Variants in NDST3 observed in about 807,000 individuals in gnomAD.
The protein encoded by NDST3 is bifunctional heparan sulfate N-deacetylase/N-sulfotransferase 3.
NDST3 carries 58 observed loss-of-function variants against 96.1 expected under a neutral mutation model. That is an observed-to-expected ratio of 0.60 (90% CI 0.49 to 0.75). NDST3 has a LOEUF of 0.75. Ranked by LOEUF, NDST3 falls within the 30% of genes least tolerant of loss-of-function variation. NDST3 has a pLI of 0.00. For missense variants in NDST3, 788 were observed against 1,034.2 expected (o/e 0.76, Z 3.27); for synonymous variants, 333 against 359.7 (o/e 0.93, Z 0.84).
At position 118,049,732 on chromosome 4, in the gene NDST3, T is replaced by TA. The variant is rs747062730; in HGVS notation, c.-155-4012dup. Among the ~76,000 whole-genome samples, 1,238 of 133,184 alleles carry TA rather than the reference T, an allele frequency of 9.3e-3. 10 individuals carry two copies. The highest frequency in any genetic ancestry group is 0.026 in the African/African-American group (966 of 37,218). 87.4% of individuals were successfully genotyped at this position (133,184 alleles called of 152,430 possible). A position where few individuals can be genotyped will look rare whatever the true frequency, so the allele number is the denominator to read the frequency against. On this transcript the variant is annotated intron_variant, in intron 1 of 13. Transcript: ENST00000296499. Reference sequence around the variant, plus strand: ...TCTGAAACTGAATCAGTAATAATAATAAAAAAAAAAAACCCTACCCACCAA... The same window carrying TA: ...TCTGAAACTGAATCAGTAATAATAATAAAAAAAAAAAAACCCTACCCACCAA...
At chr4:118,144,063 G>T (rs185136542) in intron 6 of NDST3, among the ~76,000 whole-genome samples, 36 of 151,996 alleles carry the variant, frequency 2.4e-4, no homozygotes, top group African/African-American at 6.8e-4. Flanking sequence ...ACTATTTAAA[G>T]TTAACGTAGA....
intron 8 of NDST3, among the ~76,000 whole-genome samples, chr4:118,227,783 T>C (rs1002228670): frequency 7.2e-5 from 11 of 152,146 alleles, no homozygotes; most frequent in Non-Finnish European, 1.3e-4. Context: ...GGCTAATTTT[T>C]TTGTATTTTT....
intron 2 of NDST3, among the ~76,000 whole-genome samples, chr4:118,067,248 A>G (rs2125794357): frequency 6.6e-6 from 1 of 152,174 alleles, no homozygotes; most frequent in South Asian, 2.1e-4. Flanking sequence ...CATTATAATG[A>G]AAACCCATTT....
intron 4 of NDST3, among the ~76,000 whole-genome samples, chr4:118,119,040 T>C (rs979985668): frequency 1.3e-5 from 2 of 152,166 alleles, no homozygotes; most frequent in African/African-American, 4.8e-5. Context: ...TTAATGCTTT[T>C]ATAGACAATA....
chr4:118,097,443 GA>G (rs1323867288), intron 2 of NDST3, among the ~76,000 whole-genome samples: 3 of 151,840 alleles, frequency 2.0e-5, no homozygotes, highest in African/African-American at 7.3e-5. Context: ...AAATAAATTA[GA>G]AACTACCTTG....
chr4:118,238,150 G>GA (rs1560738462), intron 10 of NDST3, among the ~76,000 whole-genome samples: 2 of 55,632 alleles, frequency 3.6e-5, no homozygotes, highest in Non-Finnish European at 8.7e-5. Flanking sequence ...AGAGAGAAAA[G>GA]AAAGAAAAGA....
intron 2 of NDST3, among the ~76,000 whole-genome samples, chr4:118,081,972 T>G (rs1351507560): frequency 1.3e-5 from 2 of 152,190 alleles, no homozygotes; most frequent in Admixed American, 1.3e-4. Flanking sequence ...TAAATCATGT[T>G]CAGCACAATG....
chr4:118,097,313 T>A (rs563171426), intron 2 of NDST3, among the ~76,000 whole-genome samples: 2 of 152,108 alleles, frequency 1.3e-5, no homozygotes, highest in African/African-American at 4.8e-5. Context: ...CAGTATCTGT[T>A]AATTATGAGG....
intron 6 of NDST3, among the ~76,000 whole-genome samples, chr4:118,211,665 T>G (rs1210412312): frequency 6.6e-6 from 1 of 152,204 alleles, no homozygotes; most frequent in Admixed American, 6.5e-5. Context: ...GCACTTTCCT[T>G]TCCTTCACTT....
intron 6 of NDST3, among the ~76,000 whole-genome samples, chr4:118,171,262 C>A (rs1735929730): frequency 6.6e-6 from 1 of 152,128 alleles, no homozygotes; most frequent in Non-Finnish European, 1.5e-5. Flanking sequence ...CCCAAAAAGG[C>A]CTACAAATTT....
At chr4:118,040,885 A>T (rs905479822) in intron 1 of NDST3, among the ~76,000 whole-genome samples, 16 of 142,546 alleles carry the variant, frequency 1.1e-4, no homozygotes, top group African/African-American at 3.3e-4. Flanking sequence ...ATATATATTT[A>T]TATATATATA....
intron 4 of NDST3, among the ~76,000 whole-genome samples, chr4:118,131,438 T>C (rs899618662): frequency 3.3e-5 from 5 of 152,072 alleles, no homozygotes; most frequent in African/African-American, 1.2e-4. Context: ...TTCTGCTTGA[T>C]TCTTTCTCAT....
chr4:118,208,561 A>G (rs1738591242), intron 6 of NDST3, among the ~76,000 whole-genome samples: 1 of 144,374 alleles, frequency 6.9e-6, no homozygotes, highest in African/African-American at 2.6e-5. Flanking sequence ...TCTTATTTCA[A>G]TCAAAACAGA....
chr4:118,058,934 A>G (rs1266026688), intron 2 of NDST3, among the ~76,000 whole-genome samples: 1 of 152,094 alleles, frequency 6.6e-6, no homozygotes, highest in Non-Finnish European at 1.5e-5. Flanking sequence ...ACCATTTCAT[A>G]TAACATTTAT....
chr4:118,142,407 C>T (rs1031976529), intron 5 of NDST3, among the ~76,000 whole-genome samples: 67 of 150,494 alleles, frequency 4.5e-4, no homozygotes, highest in Admixed American at 6.6e-4. Context: ...TATCCAAGGG[C>T]TAGACGAAAA....
intron 2 of NDST3, among the ~76,000 whole-genome samples, chr4:118,070,667 C>A (rs1208285079): frequency 1.4e-5 from 2 of 144,208 alleles, no homozygotes; most frequent in Non-Finnish European, 3.0e-5. Flanking sequence ...TTTTTGTACA[C>A]TTTAAGTTCT....
intron 2 of NDST3, among the ~76,000 whole-genome samples, chr4:118,066,527 T>A (rs1220436632): frequency 2.2e-5 from 2 of 92,490 alleles, no homozygotes; most frequent in African/African-American, 9.1e-5. Flanking sequence ...TTATATATGT[T>A]ATATATTATA....
intron 6 of NDST3, among the ~76,000 whole-genome samples, chr4:118,189,190 C>T (rs1024658621): frequency 2.6e-5 from 4 of 152,102 alleles, no homozygotes; most frequent in African/African-American, 9.7e-5. Flanking sequence ...GCTGGGACCA[C>T]AGGTACACGC....
At chr4:118,213,863 A>G (rs1274666274) in intron 6 of NDST3, among the ~76,000 whole-genome samples, 1 of 152,032 alleles carries the variant, frequency 6.6e-6, no homozygotes, top group Non-Finnish European at 1.5e-5. Context: ...ATCACTTATG[A>G]TATAGACTTC....
Sources: gnomAD v4.1 joint callset for allele counts (sites outside exome capture counted in the v4.1 genomes callset) on GRCh38, gnomAD v4.1.1 for gene constraint, MANE v1.5 for transcripts, NCBI Gene and HGNC (gene_info 2026-07-23, HGNC 2026-07-21) for gene names.